The following PHYKPL variants were observed in gnomAD, a reference collection of about 807,000 sequenced individuals.
PHYKPL encodes 5-phosphohydroxy-L-lysine phospho-lyase.
Under a neutral mutation model 51.3 loss-of-function variants are expected in PHYKPL, and 42 were observed. That is an observed-to-expected ratio of 0.82 (90% CI 0.64 to 1.06). PHYKPL has a LOEUF of 1.06. Ranked by LOEUF, PHYKPL falls within the 50% of genes least tolerant of loss-of-function variation. The pLI is 0.00. For synonymous variants in PHYKPL, 264 were observed against 236.0 expected (o/e 1.12, Z -1.09); for missense variants, 655 against 586.6 (o/e 1.12, Z -1.20).
Position 178,232,487 on chromosome 5 carries a change from G to T in PHYKPL, c.59+5C>A. On this transcript the variant is annotated splice_donor_5th_base_variant and intron_variant, in intron 1 of 12. Coordinates refer to ENST00000308158, the MANE Select transcript of PHYKPL (RefSeq NM_153373.4). ...CCCCCCGCCGCCCGCCCCCCGCCCG[G>T]GTACCTGATGAGCCGTTGCCTCAGG... 7.4e-7 allele frequency: 1 copy of T among 1,354,796 alleles called. No homozygotes were observed. The allele number at this position is 1,354,796 out of a possible 1,614,324, so 83.9% of individuals were successfully genotyped here.
chr5:178,223,430 A>G (rs1203832496), intron 6 of PHYKPL: 2 of 456,096 alleles, frequency 4.4e-6, no homozygotes, highest in East Asian at 7.0e-5. Context: ...TGATGCCTCA[A>G]CCCAGAGAAC....
chr5:178,213,074 G>T lies in PHYKPL; in HGVS notation c.1202C>A (p.Thr401Asn). The T allele has an allele frequency of 6.2e-7, 1 of 1,614,228 alleles. No individual in the cohort carries two copies. Among genetic ancestry groups the T allele is most frequent in the Non-Finnish European group, 8.5e-7 (1 of 1,180,030 alleles). The change falls in exon 11 of 13, where the codon ACT becomes AAT. Residue 401 changes from threonine to asparagine, a missense_variant. By Grantham distance (65) the Thr-to-Asn change is moderately conservative. Transcript: ENST00000308158. ...RLKENYVLLS[T>N]DGPGRNILKF... ...CAGGATGTTCCTCCCAGGGCCATCA[G>T]TGCTCAGCAAAACGTAGTTCTCCTT...
chr5:178,225,251 C>G, intron 4 of PHYKPL, 104 bp downstream of exon 4: 2 of 1,320,872 alleles, frequency 1.5e-6, no homozygotes, highest in Non-Finnish European at 2.1e-6. Flanking sequence ...GTAGCCCAGG[C>G]CCCTTATCCT....
intron 2 of PHYKPL, chr5:178,230,357 G>GA: frequency 6.8e-6 from 3 of 442,258 alleles, no homozygotes; most frequent in Admixed American, 3.6e-5. Context: ...CTTTAAGGAG[G>GA]ACTTTTTTTT....
intron 8 of PHYKPL, among the ~76,000 whole-genome samples, chr5:178,220,871 GAT>G (rs924721319): frequency 6.6e-6 from 1 of 152,138 alleles, no homozygotes; most frequent in South Asian, 2.1e-4. Context: ...GATTCTTAGT[GAT>G]ATGTTAGTAG....
Position 178,226,907 on chromosome 5 carries a change from GTGTC to G in PHYKPL, c.339-1482_339-1479del, listed in dbSNP as rs768368053. ...TGAATGCGTGTGTTTGTATATATGTGTGTCTGTGTATTTATATATATATGTGTGT... is the reference window on the plus strand; with the variant it reads ...TGAATGCGTGTGTTTGTATATATGTGTGTGTATTTATATATATATGTGTGT... On this transcript the variant is annotated intron_variant, in intron 3 of 12. Coordinates refer to ENST00000308158, the MANE Select transcript of PHYKPL (RefSeq NM_153373.4). Among the ~76,000 whole-genome samples the G allele has an allele frequency of 7.5e-4, 114 of 151,426 alleles. 2 individuals carry two copies. The Middle Eastern group carries it at 0.017, about 23-fold the overall frequency.
At chr5:178,211,814 CT>C (rs1185704403) in intron 12 of PHYKPL, 75 bp downstream of exon 12, 17 of 1,059,962 alleles carry the variant, frequency 1.6e-5, no homozygotes, top group Admixed American at 2.1e-5. Context: ...AAAGGCTCAG[CT>C]TGCCGAGGCT....
At chr5:178,232,434 T>G (rs1029113148) in intron 1 of PHYKPL, 58 bp downstream of exon 1, 2 of 1,374,308 alleles carry the variant, frequency 1.5e-6, no homozygotes, top group African/African-American at 1.5e-5. Context: ...GCGTCGTGCG[T>G]GCGCGTGCCT....
chr5:178,221,025 G>A (rs1761074944), intron 8 of PHYKPL, among the ~76,000 whole-genome samples: 1 of 152,116 alleles, frequency 6.6e-6, no homozygotes, highest in African/African-American at 2.4e-5. Flanking sequence ...GGAATTGGGG[G>A]GAACATCTGG....
chr5:178,223,777 T>C, intron 6 of PHYKPL: 4 of 309,066 alleles, frequency 1.3e-5, no homozygotes, highest in South Asian at 1.0e-4. Context: ...CAGTCTTCCC[T>C]CTGTTGTCAC....
intron 9 of PHYKPL, among the ~76,000 whole-genome samples, 170 bp downstream of exon 9, chr5:178,215,097 GTCATGTCCT>G (rs1369966544): frequency 6.6e-6 from 1 of 152,172 alleles, no homozygotes; most frequent in Non-Finnish European, 1.5e-5. Flanking sequence ...TAGGGATCAG[GTCATGTCCT>G]AGCTTTCTCC....
intron 3 of PHYKPL, chr5:178,228,655 G>A: frequency 1.4e-6 from 1 of 701,198 alleles, no homozygotes; most frequent in East Asian, 2.7e-5. Context: ...TCTGTACTGT[G>A]TGAGTGGCCA....
At chr5:178,223,041 T>G (rs1352297918) in intron 6 of PHYKPL, 107 bp from the exon 7 acceptor site, 1 of 1,029,048 alleles carries the variant, frequency 9.7e-7, no homozygotes, top group Non-Finnish European at 1.5e-6. Flanking sequence ...TCACCATCAG[T>G]GCTGCACCCC....
intron 8 of PHYKPL, 152 bp from the exon 9 acceptor site, chr5:178,215,582 A>G: frequency 1.1e-6 from 1 of 896,790 alleles, no homozygotes. Flanking sequence ...CCTCAGCAGT[A>G]GTAAGTGGGG....
At chr5:178,211,029 G>GTTAA (rs1758168484) in intron 12 of PHYKPL, 1 of 195,282 alleles carries the variant, frequency 5.1e-6, no homozygotes, top group Non-Finnish European at 1.1e-5. Context: ...TAACGGAAGT[G>GTTAA]TTAATTTTAC....
chr5:178,224,907 A>G (rs1452750523), intron 4 of PHYKPL, 178 bp from the exon 5 acceptor site: 2 of 589,978 alleles, frequency 3.4e-6, no homozygotes, highest in Non-Finnish European at 6.0e-6. Flanking sequence ...AATTCTTGCA[A>G]GACTGCTGAC....
intron 9 of PHYKPL, 114 bp downstream of exon 9, chr5:178,215,162 G>A: frequency 6.6e-7 from 1 of 1,521,850 alleles, no homozygotes; most frequent in South Asian, 1.2e-5. Flanking sequence ...CAGTGTCTCA[G>A]TTCCTCTTGA....
intron 12 of PHYKPL, chr5:178,209,417 C>T (rs760645357): frequency 1.2e-6 from 2 of 1,614,052 alleles, no homozygotes; most frequent in East Asian, 2.2e-5. Flanking sequence ...CCGAGGGAAC[C>T]GAGGCAGCGG....
chr5:178,225,009 G>T, intron 4 of PHYKPL: 1 of 566,118 alleles, frequency 1.8e-6, no homozygotes, highest in Non-Finnish European at 3.1e-6. Flanking sequence ...GGTTTATAAT[G>T]AATCTTAAAT....
Sources: gnomAD v4.1 joint callset for allele counts (sites outside exome capture counted in the v4.1 genomes callset) on GRCh38, gnomAD v4.1.1 for gene constraint, MANE v1.5 for transcripts, NCBI Gene and HGNC (gene_info 2026-07-23, HGNC 2026-07-21) for gene names.